ATP8A2: variants seen among roughly 807,000 people sequenced by gnomAD.
ATP8A2 encodes the protein phospholipid-transporting ATPase IB.
Under a neutral mutation model 165.6 loss-of-function variants are expected in ATP8A2, and 100 were observed. That is an observed-to-expected ratio of 0.60 (90% CI 0.51 to 0.71). The LOEUF is 0.71. Among genes scored for constraint, ATP8A2 ranks in the 30% least tolerant of loss-of-function variants. The pLI is 0.00. For missense variants in ATP8A2, 1,227 were observed against 1,479.5 expected (o/e 0.83, Z 2.80); for synonymous variants, 543 against 548.8 (o/e 0.99, Z 0.15).
intron 24 of ATP8A2, among the ~76,000 whole-genome samples, chr13:25,639,479 A>G (rs560487579): frequency 1.7e-4 from 26 of 152,320 alleles, no homozygotes; most frequent in African/African-American, 6.3e-4. Flanking sequence ...CAGACTTTAA[A>G]TCAATGAAGA....
intron 25 of ATP8A2, among the ~76,000 whole-genome samples, chr13:25,748,140 G>A (rs570947872): frequency 2.2e-4 from 34 of 152,312 alleles, no homozygotes; most frequent in Non-Finnish European, 4.1e-4. Context: ...CCAAAACAGT[G>A]TATATAGATA....
intron 1 of ATP8A2, among the ~76,000 whole-genome samples, chr13:25,419,872 C>T (rs1419747856): frequency 1.3e-5 from 2 of 151,664 alleles, no homozygotes; most frequent in East Asian, 1.9e-4. Context: ...TGCAAAGAAC[C>T]CTGGCCCTTA....
At chr13:25,554,647 C>T (rs1289377087) in intron 12 of ATP8A2, among the ~76,000 whole-genome samples, 1 of 151,898 alleles carries the variant, frequency 6.6e-6, no homozygotes, top group African/African-American at 2.4e-5. Context: ...CAACTTCCAT[C>T]TCTTGGGTTC....
intron 27 of ATP8A2, among the ~76,000 whole-genome samples, chr13:25,811,456 A>G (rs559655905): frequency 6.6e-6 from 1 of 152,348 alleles, no homozygotes; most frequent in East Asian, 1.9e-4. Flanking sequence ...ATGTGTATGT[A>G]TATACAGTGT....
intron 1 of ATP8A2, among the ~76,000 whole-genome samples, chr13:25,460,430 G>A (rs1052944312): frequency 1.3e-5 from 2 of 152,196 alleles, no homozygotes; most frequent in Non-Finnish European, 2.9e-5. Flanking sequence ...CTAAGGAGAA[G>A]TAACTGGACT....
chr13:25,722,530 A>G (rs1273389154), intron 25 of ATP8A2, among the ~76,000 whole-genome samples: 3 of 152,176 alleles, frequency 2.0e-5, no homozygotes, highest in Admixed American at 6.5e-5. Flanking sequence ...CATCCTGTAC[A>G]TGCTATGTAT....
intron 25 of ATP8A2, among the ~76,000 whole-genome samples, chr13:25,721,154 A>T (rs952008322): frequency 7.3e-5 from 11 of 151,488 alleles, no homozygotes; most frequent in Non-Finnish European, 1.0e-4. Flanking sequence ...GGTAGGGATA[A>T]GGGTCTTGCT....
chr13:26,014,144 C>T (rs1956910915), intron 36 of ATP8A2, among the ~76,000 whole-genome samples: 1 of 152,210 alleles, frequency 6.6e-6, no homozygotes, highest in African/African-American at 2.4e-5. Context: ...GCCTGGGTTC[C>T]TGTCCCTGCT....
intron 33 of ATP8A2, among the ~76,000 whole-genome samples, chr13:25,931,220 G>T (rs1048626742): frequency 1.3e-5 from 2 of 152,140 alleles, no homozygotes; most frequent in African/African-American, 4.8e-5. Flanking sequence ...TTCATTTAAC[G>T]TCCCTAAGGG....
intron 24 of ATP8A2, among the ~76,000 whole-genome samples, chr13:25,600,754 A>T (rs1289785954): frequency 6.6e-6 from 1 of 152,214 alleles, no homozygotes; most frequent in East Asian, 1.9e-4. Flanking sequence ...GATAGAATTC[A>T]TGCAGCATCT....
chr13:25,461,626 C>T (rs57644956), intron 1 of ATP8A2, among the ~76,000 whole-genome samples: 2,131 of 152,290 alleles, frequency 0.014, 51 homozygotes, highest in African/African-American at 0.049. Flanking sequence ...ACATAACCAA[C>T]TTCTTAACTC....
At chr13:25,537,897 T>C in intron 6 of ATP8A2, 91 bp from the exon 7 acceptor site, 1 of 804,886 alleles carries the variant, frequency 1.2e-6, no homozygotes, top group Non-Finnish European at 2.0e-6. Context: ...TATATAATAA[T>C]TTTTTCTTCA....
At chr13:25,726,667 C>T (rs939048992) in intron 25 of ATP8A2, among the ~76,000 whole-genome samples, 1 of 152,180 alleles carries the variant, frequency 6.6e-6, no homozygotes, top group Non-Finnish European at 1.5e-5. Flanking sequence ...CAGATCATCT[C>T]CCCACTTCAA....
At chr13:25,565,151 G>T (rs747340120) in intron 16 of ATP8A2, among the ~76,000 whole-genome samples, 22 of 152,098 alleles carry the variant, frequency 1.4e-4, no homozygotes, top group Non-Finnish European at 2.8e-4. Flanking sequence ...CTCATTGATT[G>T]ATGGGCATTT....
Position 25,538,062 on chromosome 13 carries a change from G to T in ATP8A2, c.581+1G>T. 2 of 1,613,218 alleles carry T rather than the reference G, an allele frequency of 1.2e-6. No homozygotes were observed. The highest frequency in any genetic ancestry group is 8.5e-7 in the Non-Finnish European group (1 of 1,179,326). Reference sequence around the variant, plus strand: ...CAGATGTGGTCCTGCTGTCATCCAGGTTAGCTGTGCTAGTAGGCACCTTTT... The same window carrying T: ...CAGATGTGGTCCTGCTGTCATCCAGTTTAGCTGTGCTAGTAGGCACCTTTT... On this transcript the variant is annotated splice_donor_variant, in intron 7 of 36. Transcript: ENST00000381655. LOFTEE classifies it high-confidence loss of function.
chr13:25,694,845 C>T (rs2042802074), intron 24 of ATP8A2, among the ~76,000 whole-genome samples: 1 of 152,048 alleles, frequency 6.6e-6, no homozygotes, highest in African/African-American at 2.4e-5. Context: ...CAATTATGTG[C>T]CTATATGTCC....
At chr13:25,546,046 T>C (rs1262003536) in intron 10 of ATP8A2, among the ~76,000 whole-genome samples, 1 of 145,984 alleles carries the variant, frequency 6.9e-6, no homozygotes, top group Non-Finnish European at 1.5e-5. Flanking sequence ...TTTAAGCACT[T>C]TCCAATATTT....
rs1224680065 is a variant in ATP8A2 at position 25,468,502 on chromosome 13, G to A, written c.77-475G>A. ...GCGCATTCCCATTGCTGCTGTCTCT[G>A]TTCCTAAGGAAGATCAAAGGATCCC... On this transcript the variant is annotated intron_variant, in intron 1 of 36. Transcript: ENST00000381655. 3.3e-5 allele frequency among the ~76,000 whole-genome samples: 5 copies of A among 152,330 alleles called. No individual in the cohort carries two copies. In the East Asian group the frequency reaches 5.8e-4, roughly 18 times the overall value.
intron 16 of ATP8A2, among the ~76,000 whole-genome samples, chr13:25,568,150 G>T (rs2138161400): frequency 6.6e-6 from 1 of 152,228 alleles, no homozygotes; most frequent in South Asian, 2.1e-4. Context: ...GCTTTGTGTG[G>T]GCTGATAGCC....
Sources: gnomAD v4.1 joint callset for allele counts (sites outside exome capture counted in the v4.1 genomes callset) on GRCh38, gnomAD v4.1.1 for gene constraint, MANE v1.5 for transcripts, NCBI Gene and HGNC (gene_info 2026-07-23, HGNC 2026-07-21) for gene names.